Variants in GRK5 observed in about 807,000 individuals in gnomAD.
GRK5 encodes the protein g protein-coupled receptor kinase GRK5.
GRK5 carries 40 observed loss-of-function variants against 78.4 expected under a neutral mutation model. That is an observed-to-expected ratio of 0.51 (90% CI 0.40 to 0.66). The LOEUF (loss-of-function observed/expected upper bound fraction) is 0.66, where lower values mean the gene tolerates loss of function less well. Among genes scored for constraint, GRK5 ranks in the 30% least tolerant of loss-of-function variants. GRK5 has a pLI of 0.00. For missense variants in GRK5, 598 were observed against 759.9 expected, an observed-to-expected ratio of 0.79 and a Z score of 2.50; for synonymous variants, 289 against 296.8, an observed-to-expected ratio of 0.97 and a Z score of 0.27.
chr10:119,302,762 G>A lies in GRK5; in HGVS notation c.53-23754G>A, dbSNP rs144644480. On this transcript the variant is annotated intron_variant, in intron 1 of 15. Coordinates refer to ENST00000392870, the MANE Select transcript of GRK5 (RefSeq NM_005308.3). ...GCTGCAGAGCCTGGGAACCACAGGA[G>A]AGGGTGGGGGCCTGGCAGGCTCCTT... 2.6e-4 allele frequency among the ~76,000 whole-genome samples: 39 copies of A among 152,338 alleles called. 1 individual carries two copies. The East Asian group carries it at 6.0e-3, about 23-fold the overall frequency.
intron 4 of GRK5, among the ~76,000 whole-genome samples, chr10:119,416,489 T>C (rs1372681146): frequency 6.6e-6 from 1 of 152,218 alleles, no homozygotes; most frequent in Non-Finnish European, 1.5e-5. Flanking sequence ...GACTCTGTCC[T>C]CCAGGCGCTG....
chr10:119,233,809 C>T (rs77224133), intron 1 of GRK5, among the ~76,000 whole-genome samples: 2,647 of 152,186 alleles, frequency 0.017, 79 homozygotes, highest in African/African-American at 0.06. Context: ...AGCAGAGGGC[C>T]AGGTGTATTT....
At chr10:119,311,421 AT>A (rs1850357357) in intron 1 of GRK5, among the ~76,000 whole-genome samples, 1 of 152,104 alleles carries the variant, frequency 6.6e-6, no homozygotes, top group Non-Finnish European at 1.5e-5. Flanking sequence ...GGAATTAGAA[AT>A]TAACAGTAAA....
At chr10:119,377,658 G>A (rs1163353530) in intron 2 of GRK5, among the ~76,000 whole-genome samples, 1 of 152,094 alleles carries the variant, frequency 6.6e-6, no homozygotes, top group Non-Finnish European at 1.5e-5. Flanking sequence ...TTACTGTGCT[G>A]GGAGTTTATA....
At chr10:119,357,553 G>A (rs1313672012) in intron 2 of GRK5, among the ~76,000 whole-genome samples, 1 of 152,198 alleles carries the variant, frequency 6.6e-6, no homozygotes, top group African/African-American at 2.4e-5. Flanking sequence ...GGAAGCATTA[G>A]TCTGGATTGT....
intron 1 of GRK5, among the ~76,000 whole-genome samples, chr10:119,260,757 G>T (rs919338460): frequency 9.9e-5 from 15 of 150,764 alleles, no homozygotes; most frequent in East Asian, 2.0e-4. Flanking sequence ...CAAGGCAGAA[G>T]AATTTTTCTT....
intron 1 of GRK5, among the ~76,000 whole-genome samples, chr10:119,249,184 TA>T (rs1172807022): frequency 1.3e-5 from 2 of 150,412 alleles, no homozygotes; most frequent in Non-Finnish European, 3.0e-5. Context: ...GACAGGAGAA[TA>T]ACTTGAACCC....
intron 1 of GRK5, among the ~76,000 whole-genome samples, chr10:119,216,417 G>A (rs1009771310): frequency 3.9e-5 from 6 of 152,288 alleles, no homozygotes; most frequent in Non-Finnish European, 8.8e-5. Context: ...CTGGTGCCTC[G>A]GCTTCCCTGA....
intron 2 of GRK5, among the ~76,000 whole-genome samples, chr10:119,347,534 G>GTGTT (rs1851117844): frequency 6.6e-6 from 1 of 152,260 alleles, no homozygotes; most frequent in South Asian, 2.1e-4. Context: ...TGAAGGCAAG[G>GTGTT]TGTTGGCTGT....
chr10:119,273,523 C>T (rs1849618686), intron 1 of GRK5, among the ~76,000 whole-genome samples: 1 of 152,290 alleles, frequency 6.6e-6, no homozygotes, highest in East Asian at 1.9e-4. Context: ...CGCTCCAGCC[C>T]AGGCTTTCTC....
At chr10:119,414,272 C>T (rs1032171324) in intron 4 of GRK5, among the ~76,000 whole-genome samples, 2 of 152,248 alleles carry the variant, frequency 1.3e-5, no homozygotes, top group African/African-American at 4.8e-5. Flanking sequence ...TGGACAGTCT[C>T]CCGGGCCGAC....
At chr10:119,275,845 T>C (rs1200675479) in intron 1 of GRK5, among the ~76,000 whole-genome samples, 1 of 152,080 alleles carries the variant, frequency 6.6e-6, no homozygotes, top group African/African-American at 2.4e-5. Flanking sequence ...CGCTTAGTGT[T>C]CCGAATTCAA....
intron 1 of GRK5, among the ~76,000 whole-genome samples, chr10:119,293,777 G>T (rs1035978507): frequency 1.4e-5 from 2 of 143,530 alleles, no homozygotes; most frequent in African/African-American, 2.5e-5. Flanking sequence ...GGCTGGGTGG[G>T]TGCTGCCATC....
intron 4 of GRK5, among the ~76,000 whole-genome samples, chr10:119,415,081 CAAAAAAAAAA>C (rs762165768): frequency 1.5e-4 from 11 of 75,734 alleles, no homozygotes; most frequent in East Asian, 3.2e-4. Context: ...GACTCTGTCT[CAAAAAAAAAA>C]AAAAAAAAAA....
chr10:119,432,245 G>A (rs1271066495), intron 8 of GRK5, among the ~76,000 whole-genome samples: 2 of 151,812 alleles, frequency 1.3e-5, no homozygotes, highest in African/African-American at 4.9e-5. Flanking sequence ...AATGTGAAGT[G>A]CATGGATATT....
chr10:119,302,665 A>C (rs1290664132), intron 1 of GRK5, among the ~76,000 whole-genome samples: 2 of 152,190 alleles, frequency 1.3e-5, no homozygotes, highest in African/African-American at 2.4e-5. Flanking sequence ...TGGTGGTTTC[A>C]AACCAGACTT....
At chr10:119,329,449 T>C (rs2133767728) in intron 2 of GRK5, among the ~76,000 whole-genome samples, 1 of 152,280 alleles carries the variant, frequency 6.6e-6, no homozygotes, top group South Asian at 2.1e-4. Context: ...CTGGGTTTCT[T>C]TTTTATATCC....
At chr10:119,291,488 A>G (rs995372608) in intron 1 of GRK5, among the ~76,000 whole-genome samples, 2 of 147,756 alleles carry the variant, frequency 1.4e-5, no homozygotes, top group South Asian at 4.3e-4. Context: ...TCCTGGAGCC[A>G]GGAAGGAACT....
At chr10:119,387,625 C>T (rs1487218832) in intron 3 of GRK5, among the ~76,000 whole-genome samples, 1 of 152,202 alleles carries the variant, frequency 6.6e-6, no homozygotes, top group Non-Finnish European at 1.5e-5. Flanking sequence ...GTGTCAGCCC[C>T]CACAGGGCAA....
Sources: gnomAD v4.1 joint callset for allele counts (sites outside exome capture counted in the v4.1 genomes callset) on GRCh38, gnomAD v4.1.1 for gene constraint, MANE v1.5 for transcripts, NCBI Gene and HGNC (gene_info 2026-07-23, HGNC 2026-07-21) for gene names.